PCSK1: variants seen among roughly 807,000 people sequenced by gnomAD.
PCSK1 encodes the protein proprotein convertase subtilisin/kexin type 1, also known as neuroendocrine convertase 1.
Under a neutral mutation model 90.6 loss-of-function variants are expected in PCSK1, and 56 were observed. That is an observed-to-expected ratio of 0.62 (90% confidence interval 0.50 to 0.77). The LOEUF is 0.77. PCSK1 is among the 30% of genes least tolerant of loss of function. The pLI, the probability that PCSK1 is intolerant of heterozygous loss-of-function variation, is 0.00. For missense variants in PCSK1, 801 were observed against 932.6 expected (o/e 0.86, Z 1.84); for synonymous variants, 348 against 342.4 (o/e 1.02, Z -0.18).
At chr5:96,398,754 GT>G in intron 11 of PCSK1, 124 bp downstream of exon 11, 1 of 833,792 alleles carries the variant, frequency 1.2e-6, no homozygotes, top group Non-Finnish European at 2.0e-6. Context: ...AAATAAGCAT[GT>G]TTTTTAAGAC....
rs764248480 is a variant in PCSK1 at position 96,421,933 on chromosome 5, A to T, written c.567T>A (p.Phe189Leu). The change falls in exon 5 of 14, where the codon TTT becomes TTA. Residue 189 changes from phenylalanine to leucine, a missense_variant. Phe to Leu is a conservative substitution (Grantham distance 22). Transcript: ENST00000311106. ...GAAATGGATCATGGTCATTATCATT[A>T]AAATCATAGCTAGCCTCTGGATCCT... ...ANYDPEASYDFNDNDHDPFPR... is the reference protein window; with the variant it reads ...ANYDPEASYDLNDNDHDPFPR... The T allele has an allele frequency of 6.3e-7, 1 of 1,577,028 alleles. No individual in the cohort carries two copies. Among genetic ancestry groups the T allele is most frequent in the South Asian group, 1.1e-5 (1 of 90,228 alleles).
intron 9 of PCSK1, among the ~76,000 whole-genome samples, chr5:96,402,968 T>C (rs970876185): frequency 2.6e-5 from 4 of 152,156 alleles, no homozygotes; most frequent in Non-Finnish European, 5.9e-5. Context: ...AAAGGAGTTT[T>C]AGGTAAAAGC....
chr5:96,413,061 G>T, intron 6 of PCSK1: 1 of 565,436 alleles, frequency 1.8e-6, no homozygotes, highest in Non-Finnish European at 2.2e-6. Context: ...AGTCACAACA[G>T]GAAACTAACA....
chr5:96,424,789 C>A (rs868370424), intron 3 of PCSK1, among the ~76,000 whole-genome samples: 17 of 151,812 alleles, frequency 1.1e-4, no homozygotes, highest in African/African-American at 4.1e-4. Flanking sequence ...GTGACAAAAC[C>A]CCATCTCTAT....
At chr5:96,407,200 CT>C (rs1298548944) in intron 9 of PCSK1, among the ~76,000 whole-genome samples, 1 of 152,086 alleles carries the variant, frequency 6.6e-6, no homozygotes, top group African/African-American at 2.4e-5. Flanking sequence ...TACATATTAA[CT>C]ACATTTCATT....
intron 3 of PCSK1, among the ~76,000 whole-genome samples, chr5:96,425,041 AAAGAAAGAAAG>A (rs1761255215): frequency 7.0e-6 from 1 of 143,432 alleles, no homozygotes; most frequent in South Asian, 2.1e-4. Context: ...AGAAAGAAAG[AAAGAAAGAAAG>A]AAAGAAAGAA....
chr5:96,398,750 G>A lies in PCSK1; in HGVS notation c.1588+129C>T, dbSNP rs17847301. On this transcript the variant is annotated intron_variant, in intron 11 of 13. Coordinates refer to ENST00000311106, the MANE Select transcript of PCSK1 (RefSeq NM_000439.5). ...AACACCAAGAAAAAGGAAAAAATAA[G>A]CATGTTTTTTAAGACCTGAAAATAT... is the stretch of plus-strand genomic sequence containing the variant. 1.0e-5 allele frequency: 8 copies of A among 793,132 alleles called. No homozygotes were observed. The East Asian group carries it at 1.6e-4, about 16-fold the overall frequency. 49.1% of individuals were successfully genotyped at this position (793,132 alleles called of 1,614,324 possible). A position where few individuals can be genotyped will look rare whatever the true frequency, so the allele number is the denominator to read the frequency against.
At chr5:96,402,003 A>G (rs1760392804) in intron 9 of PCSK1, among the ~76,000 whole-genome samples, 1 of 152,214 alleles carries the variant, frequency 6.6e-6, no homozygotes, top group African/African-American at 2.4e-5. Flanking sequence ...GAAGCCAATC[A>G]AGCATTATGT....
At chr5:96,413,004 C>T (rs1399370010) in intron 6 of PCSK1, 24 of 984,594 alleles carry the variant, frequency 2.4e-5, no homozygotes, top group East Asian at 1.1e-4. Context: ...GCCCAGTCTA[C>T]GCCACACAAG....
chr5:96,420,340 T>C (rs1336319030), intron 5 of PCSK1, among the ~76,000 whole-genome samples: 2 of 152,186 alleles, frequency 1.3e-5, no homozygotes, highest in African/African-American at 4.8e-5. Flanking sequence ...TGGTCCTGCA[T>C]TATCCTGCTT....
At chr5:96,423,165 G>T in intron 4 of PCSK1, 148 bp downstream of exon 4, 3 of 740,134 alleles carry the variant, frequency 4.1e-6, no homozygotes, top group South Asian at 1.5e-5. Flanking sequence ...ATATAAGCTA[G>T]TGGGAAGTGG....
intron 13 of PCSK1, among the ~76,000 whole-genome samples, chr5:96,394,206 C>T (rs1296474579): frequency 6.6e-6 from 1 of 152,190 alleles, no homozygotes; most frequent in East Asian, 1.9e-4. Flanking sequence ...ACCTGAGGCA[C>T]TGTGCTAGAT....
rs79323511 is a variant in PCSK1 at position 96,419,857 on chromosome 5, G to T, written c.620+2023C>A. Among the ~76,000 whole-genome samples, 9 of 152,174 alleles carry T rather than the reference G, an allele frequency of 5.9e-5. No individual in the cohort carries two copies. The East Asian group carries it at 1.4e-3, about 23-fold the overall frequency. On this transcript the variant is annotated intron_variant, in intron 5 of 13. Transcript: ENST00000311106. Reference sequence around the variant, plus strand: ...TGAGATCCCCTTTGTTTTGAGGAAGGTCTGAGTGTTCCATCTCCTGACTGG... The same window carrying T: ...TGAGATCCCCTTTGTTTTGAGGAAGTTCTGAGTGTTCCATCTCCTGACTGG...
intron 13 of PCSK1, 61 bp from the exon 14 acceptor site, chr5:96,393,439 T>C (rs1760025372): frequency 1.9e-6 from 3 of 1,594,016 alleles, no homozygotes; most frequent in Non-Finnish European, 2.6e-6. Flanking sequence ...CCAGGCAAGC[T>C]AGTTGCAACC....
intron 10 of PCSK1, among the ~76,000 whole-genome samples, chr5:96,399,486 G>A (rs55687197): frequency 0.046 from 7,014 of 152,134 alleles, 453 homozygotes; most frequent in African/African-American, 0.15. Flanking sequence ...GTCTAAGTAA[G>A]TGTATGATAA....
chr5:96,406,982 G>T (rs371929921), intron 9 of PCSK1, among the ~76,000 whole-genome samples: 2 of 151,922 alleles, frequency 1.3e-5, no homozygotes, highest in South Asian at 2.1e-4. Context: ...GGACTATTGG[G>T]TAATTATGAG....
intron 5 of PCSK1, among the ~76,000 whole-genome samples, chr5:96,421,524 A>G (rs1761128767): frequency 6.6e-6 from 1 of 152,222 alleles, no homozygotes; most frequent in South Asian, 2.1e-4. Context: ...GACTAACATA[A>G]AGCATGTTGC....
intron 11 of PCSK1, among the ~76,000 whole-genome samples, 174 bp from the exon 12 acceptor site, chr5:96,397,643 T>C (rs916312974): frequency 2.6e-5 from 4 of 152,212 alleles, no homozygotes; most frequent in African/African-American, 4.8e-5. Context: ...TTTTTATCTA[T>C]AGTGCTTAGC....
intron 9 of PCSK1, among the ~76,000 whole-genome samples, chr5:96,404,178 C>G (rs928767322): frequency 6.6e-6 from 1 of 152,186 alleles, no homozygotes; most frequent in Non-Finnish European, 1.5e-5. Flanking sequence ...TCTACACAAA[C>G]ACAGGTGGAT....
Sources: allele counts gnomAD v4.1 joint callset (sites outside exome capture counted in the v4.1 genomes callset), GRCh38; gene constraint gnomAD v4.1.1; transcripts MANE v1.5; gene names NCBI Gene and HGNC (gene_info 2026-07-23, HGNC 2026-07-21).